Variants in CLSTN2 observed in about 807,000 individuals in gnomAD.
CLSTN2 encodes calsyntenin-2.
CLSTN2 carries 48 observed loss-of-function variants against 101.2 expected under a neutral mutation model. That is an observed-to-expected ratio of 0.47 (90% CI 0.38 to 0.60). The LOEUF is 0.60. Ranked by LOEUF, CLSTN2 falls within the 20% of genes least tolerant of loss-of-function variation. CLSTN2 has a pLI of 0.00. For synonymous variants in CLSTN2, 481 were observed against 463.6 expected (o/e 1.04, Z -0.48); for missense variants, 1,160 against 1,238.2 (o/e 0.94, Z 0.95).
rs966493885 is a variant in CLSTN2, at chr3:139,986,952, C to T, written c.109+51469C>T. On this transcript the variant is annotated intron_variant, in intron 1 of 16. Coordinates refer to ENST00000458420, the MANE Select transcript of CLSTN2 (RefSeq NM_022131.3). ...TCTATATGGAAAGATACTTCTTAATCATCCTCAGTTACTGTTCTTACGCAC... is the reference window on the plus strand; with the variant it reads ...TCTATATGGAAAGATACTTCTTAATTATCCTCAGTTACTGTTCTTACGCAC... Among the ~76,000 whole-genome samples, 7 of 152,238 alleles carry T rather than the reference C, an allele frequency of 4.6e-5. No homozygotes were observed. In the South Asian group the frequency reaches 1.5e-3, roughly 32 times the overall value.
intron 2 of CLSTN2, among the ~76,000 whole-genome samples, chr3:140,258,666 CCT>C (rs1271294921): frequency 6.6e-6 from 1 of 152,274 alleles, no homozygotes; most frequent in Non-Finnish European, 1.5e-5. Context: ...TCTTTTCCCC[CCT>C]CTTTTAATGT....
intron 2 of CLSTN2, among the ~76,000 whole-genome samples, chr3:140,260,157 T>TA (rs199546831): frequency 0.02 from 2,912 of 144,218 alleles, 56 homozygotes; most frequent in African/African-American, 0.052. Flanking sequence ...TATATATATA[T>TA]TATATATAAA....
At chr3:140,020,046 G>C (rs2007276232) in intron 1 of CLSTN2, among the ~76,000 whole-genome samples, 1 of 152,168 alleles carries the variant, frequency 6.6e-6, no homozygotes. Context: ...GTGTGATGGT[G>C]GTGAGGGCTG....
chr3:140,403,666 GC>G lies in CLSTN2; in HGVS notation c.273del (p.Phe92LeufsTer59), dbSNP rs1559859823. ...CGTTCAAGATCCATGGCCAGGAGCT[GC>G]CCTTTGAGGCTGTGGTGCTCAACAA... ...CAFKIHGQEL[P>X]FEAVVLNKTS... On this transcript the variant is annotated frameshift_variant, in exon 3 of 17. Coordinates refer to ENST00000458420, the MANE Select transcript of CLSTN2 (RefSeq NM_022131.3). LOFTEE classifies it high-confidence loss of function. 6.2e-7 allele frequency: 1 copy of G among 1,613,970 alleles called. No homozygotes were observed. The highest frequency in any genetic ancestry group is 8.5e-7 in the Non-Finnish European group (1 of 1,179,902).
At chr3:140,307,991 G>A (rs556789157) in intron 2 of CLSTN2, among the ~76,000 whole-genome samples, 5 of 152,180 alleles carry the variant, frequency 3.3e-5, no homozygotes, top group Non-Finnish European at 5.9e-5. Flanking sequence ...CACAACAGTC[G>A]GCCTCAATAA....
intron 1 of CLSTN2, among the ~76,000 whole-genome samples, chr3:140,109,615 T>C (rs1224824073): frequency 6.6e-6 from 1 of 152,208 alleles, no homozygotes; most frequent in Non-Finnish European, 1.5e-5. Flanking sequence ...ATAATGTCTG[T>C]GCTCTATGAA....
At chr3:140,052,793 G>T (rs890181219) in intron 1 of CLSTN2, among the ~76,000 whole-genome samples, 7 of 152,328 alleles carry the variant, frequency 4.6e-5, no homozygotes, top group African/African-American at 7.2e-5. Flanking sequence ...ACAAACCTGG[G>T]TTCCAAGCAA....
chr3:139,977,922 CT>C (rs1935848026), intron 1 of CLSTN2, among the ~76,000 whole-genome samples: 1 of 152,116 alleles, frequency 6.6e-6, no homozygotes, highest in Non-Finnish European at 1.5e-5. Context: ...TTAATGCTTC[CT>C]TTGCTGGCCT....
chr3:140,004,690 C>T (rs16849641), intron 1 of CLSTN2, among the ~76,000 whole-genome samples: 2 of 152,126 alleles, frequency 1.3e-5, no homozygotes, highest in Non-Finnish European at 2.9e-5. Context: ...TATTTCCAGT[C>T]AAGAAGGTTT....
intron 1 of CLSTN2, among the ~76,000 whole-genome samples, chr3:140,010,692 A>T (rs1490119692): frequency 6.6e-6 from 1 of 152,158 alleles, no homozygotes. Context: ...GACTAAATTG[A>T]TTACTCCCAC....
intron 2 of CLSTN2, among the ~76,000 whole-genome samples, chr3:140,400,678 G>A (rs1172566763): frequency 3.3e-5 from 5 of 151,936 alleles, no homozygotes; most frequent in Non-Finnish European, 7.4e-5. Context: ...CAGCCTGGGT[G>A]ACAAACCAAG....
rs1365102119 is a variant in CLSTN2, at chr3:140,171,820, TTA to T, written c.110-4124_110-4123del. On this transcript the variant is annotated intron_variant, in intron 1 of 16. Coordinates refer to ENST00000458420, the MANE Select transcript of CLSTN2 (RefSeq NM_022131.3). ...TATAATATGTATTATATATTATATA[TTA>T]TATATAATAACAATATATAATATAA... Among the ~76,000 whole-genome samples the T allele has an allele frequency of 4.1e-5, 4 of 96,958 alleles. No homozygotes were observed. In the East Asian group the frequency reaches 9.1e-4, roughly 22 times the overall value. The allele number at this position is 96,958 out of a possible 152,430, so 63.6% of individuals were successfully genotyped here.
At chr3:140,361,792 G>GAA (rs1469395757) in intron 2 of CLSTN2, among the ~76,000 whole-genome samples, 7 of 151,966 alleles carry the variant, frequency 4.6e-5, no homozygotes, top group African/African-American at 1.7e-4. Context: ...CTTGTATACT[G>GAA]AAAACTACAA....
intron 2 of CLSTN2, among the ~76,000 whole-genome samples, chr3:140,282,369 G>A (rs1429062046): frequency 6.6e-6 from 1 of 152,160 alleles, no homozygotes; most frequent in African/African-American, 2.4e-5. Context: ...GTGACACCAT[G>A]TTTGAGTGGG....
At chr3:140,057,020 C>A (rs991305130) in intron 1 of CLSTN2, among the ~76,000 whole-genome samples, 2 of 152,194 alleles carry the variant, frequency 1.3e-5, no homozygotes, top group Admixed American at 6.5e-5. Context: ...GGATTTCTCA[C>A]GCCCTCCCCA....
At chr3:140,228,544 C>A (rs1253944246) in intron 2 of CLSTN2, among the ~76,000 whole-genome samples, 1 of 152,228 alleles carries the variant, frequency 6.6e-6, no homozygotes, top group African/African-American at 2.4e-5. Flanking sequence ...GTTGCTTGCA[C>A]ATTTTTGGGT....
chr3:140,305,278 C>T (rs2087101860), intron 2 of CLSTN2, among the ~76,000 whole-genome samples: 1 of 152,018 alleles, frequency 6.6e-6, no homozygotes, highest in African/African-American at 2.4e-5. Context: ...CCTGTTCATG[C>T]TCATTTCCAA....
intron 2 of CLSTN2, among the ~76,000 whole-genome samples, chr3:140,379,192 A>G (rs1377392776): frequency 6.6e-6 from 1 of 152,192 alleles, no homozygotes; most frequent in Non-Finnish European, 1.5e-5. Context: ...GTTGCTGCTG[A>G]GTGTTTGCCA....
chr3:140,121,790 G>A (rs562174359), intron 1 of CLSTN2, among the ~76,000 whole-genome samples: 122 of 152,310 alleles, frequency 8.0e-4, no homozygotes, highest in African/African-American at 2.7e-3. Flanking sequence ...CATTGAGACT[G>A]TCCATAGCAG....
Sources: allele counts gnomAD v4.1 joint callset (sites outside exome capture counted in the v4.1 genomes callset), GRCh38; gene constraint gnomAD v4.1.1; transcripts MANE v1.5; gene names NCBI Gene and HGNC (gene_info 2026-07-23, HGNC 2026-07-21).